Variants in CA10 observed in about 807,000 individuals in gnomAD.
CA10 encodes carbonic anhydrase-related protein 10.
A neutral mutation model predicts 44.2 loss-of-function variants in CA10; 14 were observed. The observed-to-expected ratio is 0.32, with a 90% confidence interval of 0.21 to 0.50. The LOEUF (loss-of-function observed/expected upper bound fraction) is 0.50, where lower values mean the gene tolerates loss of function less well. Among genes scored for constraint, CA10 ranks in the 20% least tolerant of loss-of-function variants. CA10 has a pLI of 0.99. For missense variants in CA10, 350 were observed against 409.7 expected (o/e 0.85, Z 1.26); for synonymous variants, 159 against 141.6 (o/e 1.12, Z -0.87).
At chr17:51,807,597 T>C (rs973103650) in intron 3 of CA10, among the ~76,000 whole-genome samples, 1 of 152,062 alleles carries the variant, frequency 6.6e-6, no homozygotes, top group African/African-American at 2.4e-5. Context: ...TAGCGCAAAA[T>C]AGAAATAACA....
chr17:51,888,842 T>G (rs1980728772), intron 3 of CA10, among the ~76,000 whole-genome samples: 1 of 151,584 alleles, frequency 6.6e-6, no homozygotes, highest in East Asian at 1.9e-4. Flanking sequence ...AAATAGTTAT[T>G]TATTATTATA....
chr17:51,672,185 C>T (rs1023113139), intron 4 of CA10, among the ~76,000 whole-genome samples: 4 of 152,198 alleles, frequency 2.6e-5, no homozygotes, highest in African/African-American at 9.6e-5. Context: ...TTTCTTATTA[C>T]CTCTTCCCCC....
intron 2 of CA10, among the ~76,000 whole-genome samples, chr17:51,963,658 G>T (rs574356571): frequency 3.5e-4 from 54 of 152,256 alleles, no homozygotes; most frequent in Middle Eastern, 3.4e-3. Context: ...TTCACAACTT[G>T]TGAAATTAAG....
chr17:51,831,737 AG>A (rs1908285735), intron 3 of CA10, among the ~76,000 whole-genome samples: 1 of 149,674 alleles, frequency 6.7e-6, no homozygotes, highest in Admixed American at 6.8e-5. Flanking sequence ...CAGCAGAAAA[AG>A]ACCTTCCTTC....
intron 3 of CA10, among the ~76,000 whole-genome samples, chr17:51,753,006 C>T (rs1904946126): frequency 6.6e-6 from 1 of 152,086 alleles, no homozygotes; most frequent in South Asian, 2.1e-4. Flanking sequence ...TCTCTATTTG[C>T]AGATCTTAGG....
intron 3 of CA10, among the ~76,000 whole-genome samples, chr17:51,842,616 G>A (rs2143807333): frequency 6.6e-6 from 1 of 152,234 alleles, no homozygotes; most frequent in South Asian, 2.1e-4. Flanking sequence ...CCTTGTAAAA[G>A]ATAAGGCATC....
At chr17:51,798,431 ACTT>A (rs1469940037) in intron 3 of CA10, among the ~76,000 whole-genome samples, 1 of 152,186 alleles carries the variant, frequency 6.6e-6, no homozygotes, top group Non-Finnish European at 1.5e-5. Context: ...AATGGCTAAA[ACTT>A]CTGGTTTACA....
At chr17:52,104,275 G>A (rs1988609375) in intron 1 of CA10, among the ~76,000 whole-genome samples, 1 of 150,912 alleles carries the variant, frequency 6.6e-6, no homozygotes, top group Non-Finnish European at 1.5e-5. Flanking sequence ...TCTGCTCACT[G>A]CAACCTTGGC....
intron 4 of CA10, among the ~76,000 whole-genome samples, chr17:51,691,578 T>C (rs143619589): frequency 6.1e-5 from 9 of 148,448 alleles, no homozygotes; most frequent in African/African-American, 2.1e-4. Flanking sequence ...CAGTTTGATG[T>C]AGTCCCATTT....
At chr17:51,828,589 C>G (rs1908119813) in intron 3 of CA10, among the ~76,000 whole-genome samples, 2 of 152,108 alleles carry the variant, frequency 1.3e-5, no homozygotes, top group African/African-American at 4.8e-5. Context: ...TAAGGCATCC[C>G]AAACTTTTAC....
chr17:51,849,264 T>C (rs550902314), intron 3 of CA10, among the ~76,000 whole-genome samples: 1 of 135,232 alleles, frequency 7.4e-6, no homozygotes, highest in African/African-American at 2.7e-5. Flanking sequence ...TATATATATA[T>C]AAAACTAAGT....
intron 2 of CA10, among the ~76,000 whole-genome samples, chr17:51,954,927 G>T (rs1983610756): frequency 6.6e-6 from 1 of 152,152 alleles, no homozygotes; most frequent in Admixed American, 6.6e-5. Flanking sequence ...TCCTTCCAGG[G>T]AGTCTGTGTA....
intron 3 of CA10, among the ~76,000 whole-genome samples, chr17:51,841,964 C>T (rs1337795187): frequency 1.1e-4 from 16 of 152,142 alleles, no homozygotes; most frequent in Admixed American, 1.0e-3. Context: ...TTTTTAAGAC[C>T]AAGGAACTAT....
At chr17:51,933,505 T>C (rs2144000062) in intron 2 of CA10, among the ~76,000 whole-genome samples, 1 of 152,218 alleles carries the variant, frequency 6.6e-6, no homozygotes, top group African/African-American at 2.4e-5. Flanking sequence ...GTAAGGAATA[T>C]AGGCCTGCTG....
intron 3 of CA10, among the ~76,000 whole-genome samples, chr17:51,914,374 G>A (rs1354503933): frequency 6.6e-6 from 1 of 152,136 alleles, no homozygotes; most frequent in Non-Finnish European, 1.5e-5. Flanking sequence ...CTTCAGTGAT[G>A]ACAACTATCT....
chr17:52,051,158 G>A (rs1409893295), intron 2 of CA10, among the ~76,000 whole-genome samples: 1 of 151,304 alleles, frequency 6.6e-6, no homozygotes, highest in Non-Finnish European at 1.5e-5. Flanking sequence ...GGGATGAAGA[G>A]AGAGAAGAAA....
intron 4 of CA10, among the ~76,000 whole-genome samples, chr17:51,712,709 C>T (rs1189406651): frequency 1.3e-5 from 2 of 152,180 alleles, no homozygotes; most frequent in African/African-American, 4.8e-5. Flanking sequence ...GTGTGCAGGT[C>T]AGGCTCTGAA....
chr17:51,666,413 G>A (rs1199505939), intron 4 of CA10, among the ~76,000 whole-genome samples: 1 of 152,304 alleles, frequency 6.6e-6, no homozygotes, highest in South Asian at 2.1e-4. Flanking sequence ...GATGGAGAAG[G>A]GGGTTGTACG....
At chr17:51,648,340 G>A (rs1913422160) in intron 6 of CA10, among the ~76,000 whole-genome samples, 1 of 152,116 alleles carries the variant, frequency 6.6e-6, no homozygotes, top group South Asian at 2.1e-4. Context: ...CAGAATCCCA[G>A]ACCTAGAAGG....
Sources: allele counts gnomAD v4.1 joint callset (sites outside exome capture counted in the v4.1 genomes callset), GRCh38; gene constraint gnomAD v4.1.1; transcripts MANE v1.5; gene names NCBI Gene and HGNC (gene_info 2026-07-23, HGNC 2026-07-21).